Variants in TGFBR2 observed in about 807,000 individuals in gnomAD.
The protein encoded by TGFBR2 is transforming growth factor beta receptor 2, also known as TGF-beta receptor type-2.
Under a neutral mutation model 49.0 loss-of-function variants are expected in TGFBR2, and 18 were observed. That is an observed-to-expected ratio of 0.37 (90% CI 0.25 to 0.54). The LOEUF (loss-of-function observed/expected upper bound fraction) is 0.54, where lower values mean the gene tolerates loss of function less well. Among genes scored for constraint, TGFBR2 ranks in the 20% least tolerant of loss-of-function variants. TGFBR2 has a pLI of 0.85. For synonymous variants in TGFBR2, 282 were observed against 275.9 expected, an observed-to-expected ratio of 1.02 and a Z score of -0.22; for missense variants, 525 against 722.6, an observed-to-expected ratio of 0.73 and a Z score of 3.13.
chr3:30,669,438 T>C (rs1264218051), intron 3 of TGFBR2, among the ~76,000 whole-genome samples: 1 of 152,030 alleles, frequency 6.6e-6, no homozygotes, highest in Non-Finnish European at 1.5e-5. Context: ...ATTCTCTCTG[T>C]AGAGAAAGGA....
At chr3:30,632,319 G>A (rs1698452956) in intron 1 of TGFBR2, among the ~76,000 whole-genome samples, 1 of 152,174 alleles carries the variant, frequency 6.6e-6, no homozygotes, top group South Asian at 2.1e-4. Flanking sequence ...AAATGTGCAG[G>A]AGTAAGCAGA....
At chr3:30,657,287 A>G (rs527560341) in intron 3 of TGFBR2, among the ~76,000 whole-genome samples, 40 of 152,290 alleles carry the variant, frequency 2.6e-4, no homozygotes, top group African/African-American at 9.4e-4. Context: ...CTGTTTGCCA[A>G]ACGGCAGCCC....
chr3:30,607,862 A>T (rs2125440349), intron 1 of TGFBR2, among the ~76,000 whole-genome samples: 1 of 144,650 alleles, frequency 6.9e-6, no homozygotes, highest in African/African-American at 2.5e-5. Flanking sequence ...TATATATAAT[A>T]TTAATATATA....
intron 1 of TGFBR2, among the ~76,000 whole-genome samples, chr3:30,636,830 C>T (rs1207127460): frequency 1.3e-5 from 2 of 151,578 alleles, no homozygotes; most frequent in African/African-American, 4.9e-5. Context: ...TTTGGGAGGC[C>T]AAGGTGGGCA....
At chr3:30,669,273 A>T (rs12498079) in intron 3 of TGFBR2, among the ~76,000 whole-genome samples, 21,129 of 152,024 alleles carry the variant, frequency 0.14, 1,623 homozygotes, top group East Asian at 0.28. Context: ...TCTCGAGAAA[A>T]AAAAAAGAAA....
chr3:30,627,682 A>G (rs1012476243), intron 1 of TGFBR2, among the ~76,000 whole-genome samples: 2 of 151,916 alleles, frequency 1.3e-5, no homozygotes, highest in African/African-American at 4.8e-5. Flanking sequence ...CACTGGTATA[A>G]GATATTTTCA....
chr3:30,607,813 T>TA (rs1491351682), intron 1 of TGFBR2, among the ~76,000 whole-genome samples: 24 of 137,794 alleles, frequency 1.7e-4, no homozygotes, highest in African/African-American at 7.0e-4. Flanking sequence ...TATATATATA[T>TA]TATATATATA....
chr3:30,614,134 T>TC (rs397956167), intron 1 of TGFBR2, among the ~76,000 whole-genome samples: 3 of 148,446 alleles, frequency 2.0e-5, no homozygotes, highest in Admixed American at 6.7e-5. Context: ...TTTTTTTTTT[T>TC]AGATTTCCTA....
chr3:30,641,228 C>T (rs1260891358), intron 1 of TGFBR2, among the ~76,000 whole-genome samples: 1 of 152,080 alleles, frequency 6.6e-6, no homozygotes, highest in Non-Finnish European at 1.5e-5. Context: ...GTTTCTTTTC[C>T]CCAACTCCAA....
chr3:30,643,461 T>A (rs1196410958), intron 1 of TGFBR2, among the ~76,000 whole-genome samples: 1 of 152,226 alleles, frequency 6.6e-6, no homozygotes. Flanking sequence ...ACACCTTTAT[T>A]TGAACTGCCC....
chr3:30,664,732 C>T (rs1699214587), intron 3 of TGFBR2, among the ~76,000 whole-genome samples: 1 of 152,246 alleles, frequency 6.6e-6, no homozygotes, highest in African/African-American at 2.4e-5. Context: ...GTTATGCCGA[C>T]ACCAGTTCCT....
intron 2 of TGFBR2, among the ~76,000 whole-genome samples, chr3:30,647,837 G>A (rs1698794005): frequency 6.6e-6 from 1 of 151,918 alleles, no homozygotes; most frequent in African/African-American, 2.4e-5. Flanking sequence ...CCACCATCAC[G>A]TGGCTAATTT....
Position 30,607,843 on chromosome 3 carries a change from A to T in TGFBR2, c.94+866A>T, listed in dbSNP as rs1697958072. On this transcript the variant is annotated intron_variant, in intron 1 of 6. Transcript: ENST00000295754. Reference sequence around the variant, plus strand: ...TATATATAAATATATATATAATTATATATATAAATATATATAATATTAATA... The same window carrying T: ...TATATATAAATATATATATAATTATTTATATAAATATATATAATATTAATA... 4.9e-5 allele frequency among the ~76,000 whole-genome samples: 6 copies of T among 122,282 alleles called. No individual in the cohort carries two copies. The South Asian group carries it at 1.4e-3, about 29-fold the overall frequency. 80.2% of individuals were successfully genotyped at this position (122,282 alleles called of 152,430 possible).
intron 1 of TGFBR2, among the ~76,000 whole-genome samples, chr3:30,622,866 C>A (rs11466484): frequency 2.0e-5 from 2 of 99,942 alleles, no homozygotes; most frequent in Non-Finnish European, 3.5e-5. Context: ...GGCAACAGAG[C>A]GAGACTTTGT....
At chr3:30,669,867 A>C (rs1261488196) in intron 3 of TGFBR2, among the ~76,000 whole-genome samples, 1 of 152,126 alleles carries the variant, frequency 6.6e-6, no homozygotes, top group South Asian at 2.1e-4. Context: ...TACCCTTACT[A>C]TCTGCCCAAG....
rs144701411 is a variant in TGFBR2, at chr3:30,672,225, C to T, written c.1042C>T (p.Arg348Cys). ...GCATGTCATCAGCTGGGAGGACCTG[C>T]GCAAGCTGGGCAGCTCCCTCGCCCG... ...TRHVISWEDL[R>C]KLGSSLARGI... is the part of the protein sequence containing the mutation. The change falls in exon 4 of 7, where the codon CGC becomes TGC. Residue 348 changes from arginine (R) to cysteine (C), a missense_variant. Around this residue, in one of 3 missense-constraint regions of TGFBR2, gnomAD observed 376 missense variants for 478.2 expected, o/e 0.79. Transcript: ENST00000295754. The surrounding 1 kb of genome is among the most constrained non-coding windows in gnomAD (Gnocchi z 4.5). 19 of 1,608,944 alleles carry T rather than the reference C, an allele frequency of 1.2e-5. No individual in the cohort carries two copies. The highest frequency in any genetic ancestry group is 8.0e-5 in the African/African-American group (6 of 74,942).
intron 1 of TGFBR2, among the ~76,000 whole-genome samples, chr3:30,614,354 A>G (rs190819543): frequency 3.7e-4 from 56 of 152,320 alleles, no homozygotes; most frequent in African/African-American, 1.3e-3. Flanking sequence ...TTAGAGAACT[A>G]GGGATTTGGT....
At position 30,672,818 on chromosome 3, in the gene TGFBR2, G is replaced by A. The variant is rs1699367438; in HGVS notation, c.1254+381G>A. 6.6e-6 allele frequency among the ~76,000 whole-genome samples: 1 copy of A among 152,060 alleles called. No individual in the cohort carries two copies. The highest frequency in any genetic ancestry group is 1.5e-5 in the Non-Finnish European group (1 of 68,014). The stretch of plus-strand genomic sequence containing the variant: ...CTCTATACTAGCTGTAGTTGTGTTG[G>A]TTTCTTTGTATTAAAAGCATCGTGG... On this transcript the variant is annotated intron_variant, in intron 4 of 6. Transcript: ENST00000295754. The surrounding 1 kb of genome is among the most constrained non-coding windows in gnomAD (Gnocchi z 4.5).
intron 2 of TGFBR2, among the ~76,000 whole-genome samples, chr3:30,648,213 G>A (rs1575145470): frequency 6.6e-6 from 1 of 152,158 alleles, no homozygotes; most frequent in African/African-American, 2.4e-5. Flanking sequence ...TATTACAGTT[G>A]TTTTCTCTCT....
Sources: allele counts gnomAD v4.1 joint callset (sites outside exome capture counted in the v4.1 genomes callset), GRCh38; gene constraint gnomAD v4.1.1; regional missense constraint gnomAD v4.1.1; non-coding constraint Gnocchi (gnomAD v3.1); transcripts MANE v1.5; gene names NCBI Gene and HGNC (gene_info 2026-07-23, HGNC 2026-07-21).